Variants in ABI3BP observed in about 807,000 individuals in gnomAD.
ABI3BP encodes target of Nesh-SH3.
ABI3BP carries 216 observed loss-of-function variants against 268.6 expected under a neutral mutation model. The observed-to-expected ratio is 0.80, with a 90% CI of 0.72 to 0.90. The LOEUF (loss-of-function observed/expected upper bound fraction) is 0.90. Ranked by LOEUF, ABI3BP falls within the 40% of genes least tolerant of loss-of-function variation. The pLI, the probability that ABI3BP is intolerant of heterozygous loss-of-function variation, is 0.00. For synonymous variants in ABI3BP, 730 were observed against 730.0 expected (o/e 1.00, Z 0.00); for missense variants, 2,090 against 2,182.4 (o/e 0.96, Z 0.84).
intron 1 of ABI3BP, among the ~76,000 whole-genome samples, chr3:100,985,141 CTTTTTTTTT>C (rs1172049956): frequency 1.3e-5 from 1 of 79,836 alleles, no homozygotes; most frequent in African/African-American, 5.0e-5. Flanking sequence ...CAGAAAAGCA[CTTTTTTTTT>C]TTTTTTTTTT....
intron 51 of ABI3BP, among the ~76,000 whole-genome samples, chr3:100,800,620 G>A (rs1490791451): frequency 1.3e-5 from 2 of 152,126 alleles, no homozygotes; most frequent in Non-Finnish European, 2.9e-5. Flanking sequence ...GACTACTACA[G>A]GTGTGTGCCA....
chr3:100,993,115 T>A (rs1429670594), intron 1 of ABI3BP, among the ~76,000 whole-genome samples, 191 bp downstream of exon 1: 4 of 152,206 alleles, frequency 2.6e-5, no homozygotes, highest in Non-Finnish European at 5.9e-5. Context: ...AATAAAGAGC[T>A]GTAATTGAAA....
chr3:100,792,420 G>GA (rs1317899978), intron 55 of ABI3BP, among the ~76,000 whole-genome samples: 9 of 151,322 alleles, frequency 5.9e-5, no homozygotes, highest in African/African-American at 1.9e-4. Flanking sequence ...CAAATGTGTG[G>GA]AAAAAATGGG....
intron 62 of ABI3BP, among the ~76,000 whole-genome samples, chr3:100,767,446 A>C (rs568959162): frequency 9.9e-5 from 15 of 152,238 alleles, no homozygotes; most frequent in South Asian, 4.2e-4. Flanking sequence ...ATCCAAAACT[A>C]TCTCTCAGCT....
chr3:100,854,188 T>TATAA (rs367881021), intron 14 of ABI3BP, among the ~76,000 whole-genome samples: 4 of 128,936 alleles, frequency 3.1e-5, no homozygotes, highest in African/African-American at 1.2e-4. Flanking sequence ...CTGTCTCTAC[T>TATAA]AAAAAAAAAA....
At chr3:100,980,996 T>A (rs753848413) in intron 1 of ABI3BP, among the ~76,000 whole-genome samples, 52 of 152,358 alleles carry the variant, frequency 3.4e-4, no homozygotes, top group Middle Eastern at 3.4e-3. Flanking sequence ...CTGACTGCTA[T>A]TGTGCATATG....
At chr3:100,789,790 G>A (rs2097150270) in intron 55 of ABI3BP, among the ~76,000 whole-genome samples, 3 of 152,010 alleles carry the variant, frequency 2.0e-5, no homozygotes, top group South Asian at 2.1e-4. Flanking sequence ...TTTTTCAAGA[G>A]CATTCATTTT....
intron 4 of ABI3BP, among the ~76,000 whole-genome samples, chr3:100,887,243 A>C (rs567302186): frequency 6.6e-6 from 1 of 152,178 alleles, no homozygotes; most frequent in Non-Finnish European, 1.5e-5. Flanking sequence ...AGTACAGTAT[A>C]CTACTATATA....
At chr3:100,960,280 T>A (rs1225942448) in intron 1 of ABI3BP, among the ~76,000 whole-genome samples, 1 of 152,178 alleles carries the variant, frequency 6.6e-6, no homozygotes, top group Non-Finnish European at 1.5e-5. Flanking sequence ...TATGAACCAG[T>A]GCAACATGCA....
At chr3:100,853,301 T>A (rs1293304510) in intron 14 of ABI3BP, among the ~76,000 whole-genome samples, 1 of 152,214 alleles carries the variant, frequency 6.6e-6, no homozygotes, top group African/African-American at 2.4e-5. Flanking sequence ...ATGTCAAGTT[T>A]CCTTTAGCCT....
chr3:100,948,009 A>G (rs561890946), intron 1 of ABI3BP, among the ~76,000 whole-genome samples: 2 of 152,310 alleles, frequency 1.3e-5, no homozygotes, highest in East Asian at 3.9e-4. Context: ...CAGGAACAGC[A>G]TTCTCAGACA....
chr3:100,981,850 G>A lies in ABI3BP; in HGVS notation c.79+11456C>T, dbSNP rs575007593. Among the ~76,000 whole-genome samples, 10 of 152,188 alleles carry A rather than the reference G, an allele frequency of 6.6e-5. No individual in the cohort carries two copies. The East Asian group carries it at 1.9e-3, about 29-fold the overall frequency. ...ACTCTAGACTTTGACACCCAGAAAG[G>A]GTGTCTTTCTGCTCAGCACCAGTGT... On this transcript the variant is annotated intron_variant, in intron 1 of 67. Coordinates refer to ENST00000471714, the MANE Select transcript of ABI3BP (RefSeq NM_001375547.2).
At chr3:100,810,325 A>C (rs1435855298) in intron 49 of ABI3BP, 87 bp downstream of exon 49, 1 of 1,153,352 alleles carries the variant, frequency 8.7e-7, no homozygotes, top group South Asian at 1.5e-5. Flanking sequence ...AGAATGATGA[A>C]GTCAGGGCCT....
intron 1 of ABI3BP, among the ~76,000 whole-genome samples, chr3:100,976,565 A>C (rs933982220): frequency 2.0e-5 from 3 of 152,044 alleles, no homozygotes; most frequent in Admixed American, 1.3e-4. Flanking sequence ...TTCTTTCTTT[A>C]TTTATTCTCT....
intron 2 of ABI3BP, among the ~76,000 whole-genome samples, chr3:100,917,444 T>TA (rs202125099): frequency 4.0e-4 from 59 of 146,732 alleles, no homozygotes; most frequent in Admixed American, 9.6e-4. Flanking sequence ...TTTTGAAATG[T>TA]AAAAAAAAAA....
intron 51 of ABI3BP, among the ~76,000 whole-genome samples, chr3:100,797,184 A>C (rs1423973804): frequency 6.6e-6 from 1 of 151,860 alleles, no homozygotes; most frequent in South Asian, 2.1e-4. Context: ...CAATAGGCCT[A>C]CTCGTATATG....
intron 63 of ABI3BP, among the ~76,000 whole-genome samples, chr3:100,756,411 T>A (rs532058668): frequency 6.6e-6 from 1 of 152,318 alleles, no homozygotes; most frequent in Admixed American, 6.5e-5. Flanking sequence ...TTTGTCATTG[T>A]CATTTGCAAT....
chr3:100,859,693 G>A (rs991829324), intron 14 of ABI3BP, among the ~76,000 whole-genome samples: 4 of 152,112 alleles, frequency 2.6e-5, no homozygotes, highest in Non-Finnish European at 4.4e-5. Context: ...GAAATGTAAC[G>A]TAAGTTAGGA....
rs2097095471 is a variant in ABI3BP at position 100,787,826 on chromosome 3, A to G, written c.4088-24T>C. On this transcript the variant is annotated intron_variant, in intron 56 of 67. Transcript: ENST00000471714. Reference sequence around the variant, plus strand: ...AACTAAAATAAAGTGGGATATAAATAGTTCATTTTCTTATTGAAAGTTTGC... The same window carrying G: ...AACTAAAATAAAGTGGGATATAAATGGTTCATTTTCTTATTGAAAGTTTGC... The G allele has an allele frequency of 2.7e-6, 4 of 1,459,000 alleles. No homozygotes were observed. In the African/African-American group the frequency reaches 4.3e-5, roughly 16 times the overall value. 90.4% of individuals were successfully genotyped at this position (1,459,000 alleles called of 1,614,324 possible).
Sources: gnomAD v4.1 joint callset for allele counts (sites outside exome capture counted in the v4.1 genomes callset) on GRCh38, gnomAD v4.1.1 for gene constraint, MANE v1.5 for transcripts, NCBI Gene and HGNC (gene_info 2026-07-23, HGNC 2026-07-21) for gene names.